Variants in MAML2 observed in about 807,000 individuals in gnomAD.
MAML2 encodes the protein mastermind-like protein 2.
MAML2 carries 22 observed loss-of-function variants against 96.1 expected under a neutral mutation model. The observed-to-expected ratio is 0.23, with a 90% CI of 0.16 to 0.33. The LOEUF is 0.33. Among genes scored for constraint, MAML2 ranks in the 10% least tolerant of loss-of-function variants. The pLI, the probability that MAML2 is intolerant of heterozygous loss-of-function variation, is 1.00. For missense variants in MAML2, 1,367 were observed against 1,392.4 expected (o/e 0.98, Z 0.29); for synonymous variants, 561 against 521.3 (o/e 1.08, Z -1.04).
intron 2 of MAML2, among the ~76,000 whole-genome samples, chr11:96,089,067 A>G (rs1027416581): frequency 6.6e-6 from 1 of 151,680 alleles, no homozygotes; most frequent in Non-Finnish European, 1.5e-5. Context: ...GAAAAAAAAA[A>G]TACATGACTA....
At chr11:96,036,555 G>A (rs1319860215) in intron 2 of MAML2, among the ~76,000 whole-genome samples, 2 of 152,158 alleles carry the variant, frequency 1.3e-5, no homozygotes, top group South Asian at 2.1e-4. Context: ...AGGAGCTCAC[G>A]ATAGGATGGC....
intron 1 of MAML2, among the ~76,000 whole-genome samples, chr11:96,230,300 T>C (rs983787920): frequency 2.6e-5 from 4 of 152,234 alleles, no homozygotes; most frequent in African/African-American, 7.2e-5. Context: ...CTTTCAAAGA[T>C]TTATATGTTT....
At chr11:96,047,910 C>CAAAAAAAAAAAA (rs71459784) in intron 2 of MAML2, among the ~76,000 whole-genome samples, 1 of 82,466 alleles carries the variant, frequency 1.2e-5, no homozygotes, top group African/African-American at 4.4e-5. Flanking sequence ...GACTCTGCCT[C>CAAAAAAAAAAAA]AAAAAAAAAA....
intron 2 of MAML2, among the ~76,000 whole-genome samples, chr11:96,032,586 C>CAAAAAA (rs59167571): frequency 1.1e-5 from 1 of 91,466 alleles, no homozygotes; most frequent in East Asian, 3.2e-4. Flanking sequence ...GAGTCTGTCT[C>CAAAAAA]AAAAAAAAAA....
At chr11:96,031,865 A>C (rs2135746587) in intron 2 of MAML2, among the ~76,000 whole-genome samples, 2 of 152,240 alleles carry the variant, frequency 1.3e-5, no homozygotes, top group East Asian at 3.9e-4. Context: ...GGACACCTGT[A>C]GTCCCAGCCT....
At chr11:96,228,209 C>A (rs200663111) in intron 1 of MAML2, among the ~76,000 whole-genome samples, 1 of 152,292 alleles carries the variant, frequency 6.6e-6, no homozygotes, top group South Asian at 2.1e-4. Context: ...TTGGCCACAT[C>A]GGGTTTCCAG....
intron 1 of MAML2, among the ~76,000 whole-genome samples, chr11:96,121,060 G>A (rs1467430948): frequency 7.7e-6 from 1 of 129,038 alleles, no homozygotes; most frequent in Non-Finnish European, 1.6e-5. Context: ...CGAAAAAGTA[G>A]TAATCTGAAG....
At position 95,979,783 on chromosome 11, in the gene MAML2, T is replaced by C. The variant is rs780937535; in HGVS notation, c.2636A>G (p.Asn879Ser). ...MYGNLPCNQP[N>S]TYSVTSGMNQ... The stretch of plus-strand genomic sequence containing the variant: ...CATTCCTGAAGTGACACTGTATGTG[T>C]TAGGTTGATTACAAGGCAGATTTCC... Residue 879 changes from asparagine to serine, a missense_variant, in exon 5 of 5, where the codon AAC becomes AGC. Physicochemically the swap from Asn to Ser is conservative, Grantham distance 46. Transcript: ENST00000524717. 2.5e-6 allele frequency: 4 copies of C among 1,613,848 alleles called. No homozygotes were observed. In the East Asian group the frequency reaches 8.9e-5, roughly 36 times the overall value.
At chr11:96,245,392 G>A (rs1862496866) in intron 1 of MAML2, among the ~76,000 whole-genome samples, 1 of 152,060 alleles carries the variant, frequency 6.6e-6, no homozygotes, top group South Asian at 2.1e-4. Context: ...TGTTTCCCAA[G>A]TAAGAGCTCA....
intron 1 of MAML2, among the ~76,000 whole-genome samples, chr11:96,110,919 T>A (rs1194452695): frequency 6.6e-6 from 1 of 152,358 alleles, no homozygotes; most frequent in South Asian, 2.1e-4. Context: ...AGGTCACATA[T>A]GGGACTTGCT....
chr11:96,255,192 C>A (rs1342490724), intron 1 of MAML2, among the ~76,000 whole-genome samples: 1 of 152,210 alleles, frequency 6.6e-6, no homozygotes, highest in Non-Finnish European at 1.5e-5. Context: ...TCCTTTAATA[C>A]CTTCTCACTG....
At chr11:96,038,371 A>T (rs1858752748) in intron 2 of MAML2, among the ~76,000 whole-genome samples, 1 of 152,254 alleles carries the variant, frequency 6.6e-6, no homozygotes, top group Non-Finnish European at 1.5e-5. Flanking sequence ...GATTTTGCGT[A>T]AATCAATTTG....
Position 96,009,728 on chromosome 11 carries a change from G to C in MAML2, c.2140-18005C>G, listed in dbSNP as rs1858239008. Reference sequence around the variant, plus strand: ...TGTAAACATTTGTTACAGTGAAGGAGGGCTGTACTGTTTCTATTTAAATGC... The same window carrying C: ...TGTAAACATTTGTTACAGTGAAGGACGGCTGTACTGTTTCTATTTAAATGC... On this transcript the variant is annotated intron_variant, in intron 2 of 4. Coordinates refer to ENST00000524717, the MANE Select transcript of MAML2 (RefSeq NM_032427.4). Among the ~76,000 whole-genome samples the C allele has an allele frequency of 2.0e-5, 3 of 152,252 alleles. No individual in the cohort carries two copies. In the South Asian group the frequency reaches 6.2e-4, roughly 32 times the overall value.
chr11:96,135,107 G>A (rs1238633255), intron 1 of MAML2, among the ~76,000 whole-genome samples: 1 of 152,230 alleles, frequency 6.6e-6, no homozygotes, highest in Non-Finnish European at 1.5e-5. Context: ...GAGGTGATTA[G>A]GCACAGTCCT....
chr11:95,998,730 G>C (rs541355041), intron 2 of MAML2, among the ~76,000 whole-genome samples: 74 of 152,226 alleles, frequency 4.9e-4, no homozygotes, highest in African/African-American at 1.7e-3. Flanking sequence ...TGGTAAATCA[G>C]GTATATGATG....
chr11:96,339,352 C>A (rs1863960094), intron 1 of MAML2, among the ~76,000 whole-genome samples: 2 of 152,194 alleles, frequency 1.3e-5, no homozygotes, highest in South Asian at 4.1e-4. Context: ...GTAAAGTTAC[C>A]ACGACCACTA....
intron 1 of MAML2, among the ~76,000 whole-genome samples, chr11:96,250,800 G>A (rs1010717548): frequency 2.6e-5 from 4 of 152,144 alleles, no homozygotes; most frequent in African/African-American, 7.2e-5. Flanking sequence ...AATTAAATAC[G>A]ACTTGATTCA....
chr11:96,037,388 T>TA (rs1858735095), intron 2 of MAML2, among the ~76,000 whole-genome samples: 1 of 152,224 alleles, frequency 6.6e-6, no homozygotes, highest in Non-Finnish European at 1.5e-5. Flanking sequence ...CTTTCTCTGA[T>TA]ATATACACAT....
intron 1 of MAML2, among the ~76,000 whole-genome samples, chr11:96,120,182 C>T (rs565486906): frequency 1.3e-5 from 2 of 152,288 alleles, no homozygotes; most frequent in African/African-American, 4.8e-5. Flanking sequence ...TGGTCTCGAT[C>T]TCCTGACCTT....
Sources: allele counts gnomAD v4.1 joint callset (sites outside exome capture counted in the v4.1 genomes callset), GRCh38; gene constraint gnomAD v4.1.1; transcripts MANE v1.5; gene names NCBI Gene and HGNC (gene_info 2026-07-23, HGNC 2026-07-21).